ZBTB47: variants seen among roughly 807,000 people sequenced by gnomAD.
ZBTB47 encodes zinc finger and BTB domain-containing protein 47.
Under a neutral mutation model 56.6 loss-of-function variants are expected in ZBTB47, and 24 were observed. That is an observed-to-expected ratio of 0.42 (90% CI 0.31 to 0.60). The LOEUF (loss-of-function observed/expected upper bound fraction) is 0.60, where lower values mean the gene tolerates loss of function less well. Among genes scored for constraint, ZBTB47 ranks in the 20% least tolerant of loss-of-function variants. The pLI is 0.14. For missense variants in ZBTB47, 829 were observed against 1,032.6 expected, an observed-to-expected ratio of 0.80 and a Z score of 2.70; for synonymous variants, 414 against 418.9, an observed-to-expected ratio of 0.99 and a Z score of 0.14.
At chr3:42,660,123 T>C (rs142476257) in intron 2 of ZBTB47, among the ~76,000 whole-genome samples, 196 of 152,058 alleles carry the variant, frequency 1.3e-3, no homozygotes, top group Admixed American at 3.1e-3. Context: ...CACATGGACT[T>C]GGGAGGATGA....
intron 3 of ZBTB47, 63 bp from the exon 4 acceptor site, chr3:42,662,949 G>T: frequency 7.9e-7 from 1 of 1,259,462 alleles, no homozygotes; most frequent in South Asian, 1.2e-5. Flanking sequence ...CAGGGTCTGG[G>T]CCCAACGTCG....
rs339717 is a variant in ZBTB47 at position 42,664,556 on chromosome 3, C to T, written c.2202C>T (p.Pro734=). 1 of 1,423,572 alleles carries T rather than the reference C, an allele frequency of 7.0e-7. No homozygotes were observed. The highest frequency in any genetic ancestry group is 1.5e-5 in the African/African-American group (1 of 65,916). The allele number at this position is 1,423,572 out of a possible 1,614,324, so 88.2% of individuals were successfully genotyped here. Residue 734 remains proline (P), a synonymous_variant, in exon 6 of 6, where the codon CCC becomes CCT. Transcript: ENST00000232974. ...PHLPPPPPLF[P]TTASPGGRMN... is the part of the protein sequence containing the mutation. ...TGCCGCCCCCGCCTCCGCTCTTCCC[C>T]ACCACTGCCAGCCCCGGCGGGAGGA...
rs574236716 is a variant in ZBTB47 at position 42,664,457 on chromosome 3, C to G, written c.2103C>G (p.Pro701=). 30 of 1,521,244 alleles carry G rather than the reference C, an allele frequency of 2.0e-5. No individual in the cohort carries two copies. In the East Asian group the frequency reaches 6.9e-4, roughly 35 times the overall value. 94.2% of individuals were successfully genotyped at this position (1,521,244 alleles called of 1,614,324 possible). ...GCGTCCCCGCTGCCCCAGGCCTGCC[C>G]CCAACCCAGCCCCAGGCGCACGCAC... is the stretch of plus-strand genomic sequence containing the variant. ...GDGVPAAPGL[P]PTQPQAHALP... Residue 701 remains proline, a synonymous_variant, in exon 6 of 6, where the codon CCC becomes CCG. Transcript: ENST00000232974.
Position 42,661,494 on chromosome 3 carries a change from T to TG in ZBTB47, c.1484dup (p.Cys495TrpfsTer13). The stretch of plus-strand genomic sequence containing the variant: ...TCCTCTTATTCTGCAGTGTGTGACA[T>TG]GTGGCAAAGCTTTCAAGAAGCTTTG... On this transcript the variant is annotated frameshift_variant, in exon 3 of 6. Transcript: ENST00000232974. LOFTEE classifies it high-confidence loss of function. The TG allele has an allele frequency of 6.2e-7, 1 of 1,613,882 alleles. No homozygotes were observed. The highest frequency in any genetic ancestry group is 8.5e-7 in the Non-Finnish European group (1 of 1,179,830).
In ZBTB47 at chr3:42,661,638, TC is replaced by T; in HGVS notation, c.1621+7del. 1 of 1,613,702 alleles carries T rather than the reference TC, an allele frequency of 6.2e-7. No homozygotes were observed. The highest frequency in any genetic ancestry group is 8.5e-7 in the Non-Finnish European group (1 of 1,179,772). On this transcript the variant is annotated splice_region_variant and intron_variant, in intron 3 of 5. Coordinates refer to ENST00000232974, the MANE Select transcript of ZBTB47 (RefSeq NM_145166.4). ...CGTGCGTAAGCACATGGTTGGTAAG[TC>T]TGGGCCACTGGGGGATGGAGCCAGA...
Position 42,660,663 on chromosome 3 carries a change from G to A in ZBTB47, c.1474-822G>A, listed in dbSNP as rs1223438647. 2.6e-5 allele frequency among the ~76,000 whole-genome samples: 4 copies of A among 152,206 alleles called. No individual in the cohort carries two copies. In the East Asian group the frequency reaches 7.7e-4, roughly 29 times the overall value. ...TAATTGCCTGCGCTAATTGCTAATT[G>A]CAGTGCCCTGTGGAGAAAGTGTTAC... On this transcript the variant is annotated intron_variant, in intron 2 of 5. Coordinates refer to ENST00000232974, the MANE Select transcript of ZBTB47 (RefSeq NM_145166.4).
In ZBTB47 at chr3:42,659,763, A is replaced by C; in HGVS notation, c.1408A>C (p.Lys470Gln). 6.2e-7 allele frequency: 1 copy of C among 1,613,836 alleles called. No individual in the cohort carries two copies. Among genetic ancestry groups the C allele is most frequent in the African/African-American group, 1.3e-5 (1 of 75,066 alleles). The part of the protein sequence containing the change: ...SRMQICDQCG[K>Q]RFLLESELLL... ...CATGCAGATCTGCGACCAGTGCGGC[A>C]AGCGCTTCCTGCTGGAGAGCGAGCT... Residue 470 changes from lysine (K) to glutamine (Q), a missense_variant, in exon 2 of 6, where the codon AAG (lysine) becomes CAG (glutamine). Coordinates refer to ENST00000232974, the MANE Select transcript of ZBTB47 (RefSeq NM_145166.4).
At chr3:42,655,119 G>A (rs1361614421) in intron 1 of ZBTB47, among the ~76,000 whole-genome samples, 3 of 152,180 alleles carry the variant, frequency 2.0e-5, no homozygotes, top group Non-Finnish European at 4.4e-5. Context: ...CAGAGCTCCC[G>A]TACCAACTCC....
At position 42,664,490 on chromosome 3, in the gene ZBTB47, G is replaced by C. The variant is rs553382609; in HGVS notation, c.2136G>C (p.Leu712=). 57 of 1,495,944 alleles carry C rather than the reference G, an allele frequency of 3.8e-5. No individual in the cohort carries two copies. In the African/African-American group the frequency reaches 6.6e-4, roughly 17 times the overall value. The allele number at this position is 1,495,944 out of a possible 1,614,324, so 92.7% of individuals were successfully genotyped here. Residue 712 remains leucine (L), a synonymous_variant, in exon 6 of 6, where the codon CTG becomes CTC. Coordinates refer to ENST00000232974, the MANE Select transcript of ZBTB47 (RefSeq NM_145166.4). The stretch of plus-strand genomic sequence containing the variant: ...AGCCCCAGGCGCACGCACTGCCCCT[G>C]CTCCCGGGGCTGCCCCAGACCCTGC... The part of the protein sequence containing the change: ...PTQPQAHALP[L]LPGLPQTLPP...
rs564229347 is a variant in ZBTB47 at position 42,658,592 on chromosome 3, G to T, written c.237G>T (p.Leu79=). ...QILNFIYTSK[L]LVNAANVHEV... is the part of the protein sequence containing the mutation. ...TCAACTTCATCTATACGTCCAAGCTGCTGGTCAACGCGGCCAACGTCCACG... is the reference window on the plus strand; with the variant it reads ...TCAACTTCATCTATACGTCCAAGCTTCTGGTCAACGCGGCCAACGTCCACG... Residue 79 remains leucine (L), a synonymous_variant, in exon 2 of 6, where the codon CTG becomes CTT. Transcript: ENST00000232974. 76 of 1,537,082 alleles carry T rather than the reference G, an allele frequency of 4.9e-5. No individual in the cohort carries two copies. In the African/African-American group the frequency reaches 5.6e-4, roughly 11 times the overall value.
Position 42,661,648 on chromosome 3 carries a change from T to C in ZBTB47, c.1621+16T>C. 1.2e-6 allele frequency: 2 copies of C among 1,613,212 alleles called. No homozygotes were observed. Among genetic ancestry groups the C allele is most frequent in the South Asian group, 1.1e-5 (1 of 90,958 alleles). ...CACATGGTTGGTAAGTCTGGGCCAC[T>C]GGGGGATGGAGCCAGAGGATAGAGA... On this transcript the variant is annotated intron_variant, in intron 3 of 5. Transcript: ENST00000232974.
In ZBTB47 at chr3:42,664,774, G is replaced by T; in HGVS notation, c.*176G>T. 9 of 652,556 alleles carry T rather than the reference G, an allele frequency of 1.4e-5. No individual in the cohort carries two copies. The highest frequency in any genetic ancestry group is 2.0e-5 in the Non-Finnish European group (9 of 453,404). The allele number at this position is 652,556 out of a possible 1,614,324, so 40.4% of individuals were successfully genotyped here. On this transcript the variant is annotated 3_prime_UTR_variant, in exon 6 of 6. Coordinates refer to ENST00000232974, the MANE Select transcript of ZBTB47 (RefSeq NM_145166.4). Reference sequence around the variant, plus strand: ...CGAGGAGGGGTATGCAGGCTGGCAGGCCCCAGAGCTGGTGGAGGGCATCTC... The same window carrying T: ...CGAGGAGGGGTATGCAGGCTGGCAGTCCCCAGAGCTGGTGGAGGGCATCTC...
rs1169455795 is a variant in ZBTB47, at chr3:42,664,488, C to A, written c.2134C>A (p.Leu712Met). The A allele has an allele frequency of 6.7e-7, 1 of 1,503,336 alleles. No individual in the cohort carries two copies. The highest frequency in any genetic ancestry group is 2.1e-5 in the Admixed American group (1 of 48,440). The allele number at this position is 1,503,336 out of a possible 1,614,324, so 93.1% of individuals were successfully genotyped here. A position where few individuals can be genotyped will look rare whatever the true frequency, so the allele number is the denominator to read the frequency against. Residue 712 changes from leucine (L) to methionine (M), a missense_variant, in exon 6 of 6, where the codon CTG (leucine) becomes ATG (methionine). Physicochemically the swap from Leu to Met is conservative, Grantham distance 15. This residue lies in a region of ZBTB47 where 115 missense variants were observed against 117.2 expected (regional missense o/e 0.98). Coordinates refer to ENST00000232974, the MANE Select transcript of ZBTB47 (RefSeq NM_145166.4). ...PTQPQAHALP[L>M]LPGLPQTLPP... ...CCAGCCCCAGGCGCACGCACTGCCC[C>A]TGCTCCCGGGGCTGCCCCAGACCCT...
chr3:42,659,219 GGAA>G lies in ZBTB47; in HGVS notation c.870_872del (p.Glu294del). The G allele has an allele frequency of 2.0e-6, 3 of 1,526,156 alleles. No homozygotes were observed. The highest frequency in any genetic ancestry group is 1.8e-6 in the Non-Finnish European group (2 of 1,140,990). 94.5% of individuals were successfully genotyped at this position (1,526,156 alleles called of 1,614,324 possible). A position where few individuals can be genotyped will look rare whatever the true frequency, so the allele number is the denominator to read the frequency against. ...AGGAGGACGACGAGGAGGAGGAGGA[GGAA>G]GAAGAGGAAGAGGAAGGTGGTGGCA... On this transcript the variant is annotated inframe_deletion, in exon 2 of 6. Coordinates refer to ENST00000232974, the MANE Select transcript of ZBTB47 (RefSeq NM_145166.4).
In ZBTB47 at chr3:42,663,111, A is replaced by G; in HGVS notation, c.1721A>G (p.Lys574Arg). ...CACTCACTGCAGCACTCAGGGGAGA[A>G]GCCGTTCAGATGTGAGGTGAGCTTC... ...KVHSLQHSGE[K>R]PFRCENCNER... The change falls in exon 4 of 6, where the codon AAG (lysine) becomes AGG (arginine). Residue 574 changes from lysine to arginine, a missense_variant. Lys to Arg is a conservative substitution (Grantham distance 26). Transcript: ENST00000232974. This position sits in a 1 kb window ranked among gnomAD's most constrained non-coding sequence, Gnocchi z 5.1. The G allele has an allele frequency of 6.2e-7, 1 of 1,613,654 alleles. No individual in the cohort carries two copies. Among genetic ancestry groups the G allele is most frequent in the Non-Finnish European group, 8.5e-7 (1 of 1,179,584 alleles).
At position 42,656,561 on chromosome 3, in the gene ZBTB47, G is replaced by A. The variant is rs74772035; in HGVS notation, c.-81-1714G>A. 8.1e-3 allele frequency among the ~76,000 whole-genome samples: 1,232 copies of A among 152,254 alleles called. 10 individuals carry two copies. Among genetic ancestry groups the A allele is most frequent in the Non-Finnish European group, 0.013 (854 of 68,000 alleles). ...GGATGGCTTCTTGGCTGGGGTAAGG[G>A]GTGTAGTGGAGAACTCAAGGAAGAT... On this transcript the variant is annotated intron_variant, in intron 1 of 5. Coordinates refer to ENST00000232974, the MANE Select transcript of ZBTB47 (RefSeq NM_145166.4). This position sits in a 1 kb window ranked among gnomAD's most constrained non-coding sequence, Gnocchi z 5.8.
chr3:42,663,157 C>G lies in ZBTB47; in HGVS notation c.1737+30C>G. 1 of 1,542,756 alleles carries G rather than the reference C, an allele frequency of 6.5e-7. No individual in the cohort carries two copies. The highest frequency in any genetic ancestry group is 9.0e-7 in the Non-Finnish European group (1 of 1,115,852). On this transcript the variant is annotated intron_variant, in intron 4 of 5. Coordinates refer to ENST00000232974, the MANE Select transcript of ZBTB47 (RefSeq NM_145166.4). This position sits in a 1 kb window ranked among gnomAD's most constrained non-coding sequence, Gnocchi z 5.1. Reference sequence around the variant, plus strand: ...GCTTCCATCTCCTGCCTGGCCTGCCCGAGGGGTCACCTGGGAGGGGCAGGA... The same window carrying G: ...GCTTCCATCTCCTGCCTGGCCTGCCGGAGGGGTCACCTGGGAGGGGCAGGA...
intron 3 of ZBTB47, 76 bp from the exon 4 acceptor site, chr3:42,662,936 A>G: frequency 9.8e-7 from 1 of 1,021,514 alleles, no homozygotes. Flanking sequence ...CTGCCCCAGG[A>G]GGCAGGGTCT....
In ZBTB47 at chr3:42,654,579, G is replaced by C; in HGVS notation, c.-82+696G>C. On this transcript the variant is annotated intron_variant, in intron 1 of 5. Transcript: ENST00000232974. The surrounding 1 kb of genome is among the most constrained non-coding windows in gnomAD (Gnocchi z 5.0). The stretch of plus-strand genomic sequence containing the variant: ...CCGCGCCCCCGGGGGCCATGGTCGC[G>C]GGGCCCTGCGCGGGGGCGGCCCCCA... 1 of 664,076 alleles carries C rather than the reference G, an allele frequency of 1.5e-6. No homozygotes were observed. The highest frequency in any genetic ancestry group is 1.9e-6 in the Non-Finnish European group (1 of 537,846). 41.1% of individuals were successfully genotyped at this position (664,076 alleles called of 1,614,324 possible). A position where few individuals can be genotyped will look rare whatever the true frequency, so the allele number is the denominator to read the frequency against.
Sources: allele counts gnomAD v4.1 joint callset (sites outside exome capture counted in the v4.1 genomes callset), GRCh38; gene constraint gnomAD v4.1.1; regional missense constraint gnomAD v4.1.1; non-coding constraint Gnocchi (gnomAD v3.1); transcripts MANE v1.5; gene names NCBI Gene and HGNC (gene_info 2026-07-23, HGNC 2026-07-21).